Variants in RARB observed in about 807,000 individuals in gnomAD.
The protein encoded by RARB is HBV-activated protein.
In RARB, 17 loss-of-function variants were observed where a neutral mutation model predicts 51.9. The observed-to-expected ratio is 0.33, with a 90% CI of 0.22 to 0.49. RARB has a LOEUF of 0.49. Ranked by LOEUF, RARB falls within the 20% of genes least tolerant of loss-of-function variation. The probability of loss-of-function intolerance (pLI) is 0.99; values close to 1 mark genes in which losing one functional copy is unlikely to be tolerated. For synonymous variants in RARB, 215 were observed against 195.4 expected, an observed-to-expected ratio of 1.10 and a Z score of -0.84; for missense variants, 369 against 550.8, an observed-to-expected ratio of 0.67 and a Z score of 3.30.
chr3:25,580,995 G>A lies in RARB; in HGVS notation c.786+273G>A, dbSNP rs74735084. ...CAGGTGAATGCTGGTCTGTTTCTAA[G>A]TTTACCCCAGACCCCCTGATTTTAC... On this transcript the variant is annotated intron_variant, in intron 5 of 7. Coordinates refer to ENST00000330688, the MANE Select transcript of RARB (RefSeq NM_000965.5). Among the ~76,000 whole-genome samples the A allele has an allele frequency of 2.5e-3, 384 of 152,206 alleles. 2 individuals carry two copies. Among genetic ancestry groups the A allele is most frequent in the African/African-American group, 8.9e-3 (369 of 41,534 alleles).
At chr3:25,238,201 C>T (rs1216095080) in intron 5 of RARB, among the ~76,000 whole-genome samples, 2 of 151,862 alleles carry the variant, frequency 1.3e-5, no homozygotes, top group African/African-American at 4.8e-5. Context: ...CTACTCTCTA[C>T]CTTTATGAGA....
At chr3:24,837,805 T>C (rs1702363237) in intron 1 of RARB, among the ~76,000 whole-genome samples, 1 of 152,220 alleles carries the variant, frequency 6.6e-6, no homozygotes, top group South Asian at 2.1e-4. Context: ...AATGAAGCAT[T>C]CTGAGGTTTT....
intron 2 of RARB, among the ~76,000 whole-genome samples, chr3:24,966,298 G>C (rs918560961): frequency 1.1e-4 from 17 of 152,144 alleles, no homozygotes; most frequent in Non-Finnish European, 2.4e-4. Flanking sequence ...TGATGACTGG[G>C]ATGGGGAGTT....
intron 4 of RARB, among the ~76,000 whole-genome samples, chr3:25,164,367 G>A (rs982083803): frequency 6.6e-6 from 1 of 152,192 alleles, no homozygotes; most frequent in African/African-American, 2.4e-5. Flanking sequence ...TAGGTGGGAA[G>A]GCCAGCGTTA....
rs78739631 is a variant in RARB at position 25,258,180 on chromosome 3, G to T, written c.178+83605G>T. ...TTGAACTTAGGACTGAGGAACCTCT[G>T]AGGTTCCCTTGAACTCAGTAATTCC... is the stretch of plus-strand genomic sequence containing the variant. On this transcript the variant is annotated intron_variant, in intron 5 of 11. Coordinates refer to the RARB transcript ENST00000383772. Among the ~76,000 whole-genome samples the T allele has an allele frequency of 3.4e-3, 512 of 152,226 alleles. 3 individuals carry two copies. The highest frequency in any genetic ancestry group is 0.011 in the African/African-American group (476 of 41,556).
chr3:25,351,813 G>A (rs973532001), intron 5 of RARB, among the ~76,000 whole-genome samples: 6 of 152,036 alleles, frequency 3.9e-5, no homozygotes, highest in Admixed American at 6.6e-5. Flanking sequence ...GCCTCAGCCC[G>A]GTCTGGCTGC....
chr3:25,558,724 C>T (rs144006981), intron 3 of RARB, among the ~76,000 whole-genome samples: 4 of 152,198 alleles, frequency 2.6e-5, no homozygotes, highest in African/African-American at 9.6e-5. Flanking sequence ...CCAAATTCAT[C>T]ATATTCCTGC....
At chr3:25,198,315 A>C (rs1559501713) in intron 5 of RARB, among the ~76,000 whole-genome samples, 3 of 152,116 alleles carry the variant, frequency 2.0e-5, no homozygotes, top group Non-Finnish European at 4.4e-5. Flanking sequence ...CACACTATGA[A>C]ACAGCTAAAA....
At chr3:25,455,290 A>G (rs1694849645) in intron 1 of RARB, among the ~76,000 whole-genome samples, 1 of 152,106 alleles carries the variant, frequency 6.6e-6, no homozygotes, top group South Asian at 2.1e-4. Context: ...CTGGAGATTC[A>G]TTTGTATTGA....
At chr3:25,395,214 C>T (rs776400283) in intron 5 of RARB, among the ~76,000 whole-genome samples, 19 of 152,150 alleles carry the variant, frequency 1.2e-4, no homozygotes, top group South Asian at 4.1e-4. Flanking sequence ...TGTTTAAGGA[C>T]GCTAAAAATA....
intron 2 of RARB, among the ~76,000 whole-genome samples, chr3:25,026,438 G>T (rs1697749988): frequency 6.6e-6 from 1 of 152,210 alleles, no homozygotes; most frequent in Non-Finnish European, 1.5e-5. Context: ...TCTTTGGCTT[G>T]TAGGTGGCTC....
chr3:25,258,706 G>GC (rs756968838), intron 5 of RARB, among the ~76,000 whole-genome samples: 10 of 152,114 alleles, frequency 6.6e-5, no homozygotes, highest in Non-Finnish European at 1.2e-4. Context: ...TCTAAGATGA[G>GC]CAGCTGCATC....
chr3:25,019,588 T>C (rs1258951437), intron 2 of RARB, among the ~76,000 whole-genome samples: 1 of 152,184 alleles, frequency 6.6e-6, no homozygotes, highest in African/African-American at 2.4e-5. Flanking sequence ...TGAATGTGAA[T>C]ATCAGGGCTT....
intron 5 of RARB, among the ~76,000 whole-genome samples, chr3:25,245,459 A>G (rs938116660): frequency 2.0e-5 from 3 of 151,874 alleles, no homozygotes; most frequent in African/African-American, 4.8e-5. Context: ...TCCTTTCCAC[A>G]TTTAGTGTTT....
At chr3:24,984,171 A>G (rs1356267316) in intron 2 of RARB, among the ~76,000 whole-genome samples, 1 of 152,246 alleles carries the variant, frequency 6.6e-6, no homozygotes, top group Non-Finnish European at 1.5e-5. Context: ...AAGGGAAGAA[A>G]TCAACCAAAC....
intron 4 of RARB, among the ~76,000 whole-genome samples, chr3:25,574,535 C>G (rs753719749): frequency 7.9e-5 from 12 of 152,180 alleles, no homozygotes; most frequent in African/African-American, 2.9e-4. Flanking sequence ...GTAGCCCCCA[C>G]CCCCAGCTCG....
intron 4 of RARB, among the ~76,000 whole-genome samples, chr3:25,143,980 T>A (rs993564946): frequency 6.6e-6 from 1 of 152,278 alleles, no homozygotes; most frequent in Admixed American, 6.5e-5. Context: ...CCCAGTTCAC[T>A]TTCTATGAAA....
chr3:25,457,088 C>G (rs1004185132), intron 1 of RARB, among the ~76,000 whole-genome samples: 14 of 151,900 alleles, frequency 9.2e-5, no homozygotes, highest in Admixed American at 2.0e-4. Flanking sequence ...TACAGTCAGC[C>G]AAAAGGGAAT....
rs543631890 is a variant in RARB, at chr3:25,388,620, A to G, written c.179-72573A>G. ...TTTGTGCTTAGTAATAAATTAGCAG[A>G]AAGAAATGCTTAAAATTAAGTAGTA... On this transcript the variant is annotated intron_variant, in intron 5 of 11. Transcript: ENST00000383772. Among the ~76,000 whole-genome samples, 5 of 152,346 alleles carry G rather than the reference A, an allele frequency of 3.3e-5. No individual in the cohort carries two copies. The South Asian group carries it at 1.0e-3, about 32-fold the overall frequency.
Sources: allele counts gnomAD v4.1 joint callset (sites outside exome capture counted in the v4.1 genomes callset), GRCh38; gene constraint gnomAD v4.1.1; transcripts MANE v1.5; gene names NCBI Gene and HGNC (gene_info 2026-07-23, HGNC 2026-07-21).